The following CNTNAP4 variants were observed in gnomAD, a reference collection of about 807,000 sequenced individuals.
The protein encoded by CNTNAP4 is contactin associated protein family member 4, also known as contactin-associated protein-like 4.
CNTNAP4 carries 98 observed loss-of-function variants against 148.4 expected under a neutral mutation model. The observed-to-expected ratio is 0.66, with a 90% CI of 0.56 to 0.78. CNTNAP4 has a LOEUF of 0.78. Among genes scored for constraint, CNTNAP4 ranks in the 30% least tolerant of loss-of-function variants. The pLI is 0.00. For missense variants in CNTNAP4, 1,935 were observed against 1,565.6 expected (o/e 1.24, Z -3.98); for synonymous variants, 730 against 565.1 (o/e 1.29, Z -4.14).
chr16:76,288,272 C>T (rs1308850914), intron 1 of CNTNAP4, among the ~76,000 whole-genome samples: 2 of 152,110 alleles, frequency 1.3e-5, no homozygotes, highest in African/African-American at 4.8e-5. Flanking sequence ...TGAGGCCTCT[C>T]TAGCCATGCA....
intron 3 of CNTNAP4, among the ~76,000 whole-genome samples, chr16:76,400,928 T>G (rs2078390278): frequency 6.6e-6 from 1 of 152,204 alleles, no homozygotes; most frequent in Non-Finnish European, 1.5e-5. Flanking sequence ...CCATGGTGTT[T>G]TGGTTACTGT....
At chr16:76,286,984 T>C (rs1236476963) in intron 1 of CNTNAP4, among the ~76,000 whole-genome samples, 3 of 152,226 alleles carry the variant, frequency 2.0e-5, no homozygotes, top group Non-Finnish European at 4.4e-5. Context: ...ATAGTGTGTA[T>C]GATTTCTGTG....
chr16:76,521,010 A>G (rs1344434923), intron 15 of CNTNAP4, 130 bp from the exon 16 acceptor site: 8 of 786,596 alleles, frequency 1.0e-5, no homozygotes, highest in Non-Finnish European at 1.6e-5. Context: ...AGAAAAAAAG[A>G]GCAGATTTGT....
At chr16:76,393,607 C>T (rs1394112529) in intron 3 of CNTNAP4, among the ~76,000 whole-genome samples, 1 of 151,960 alleles carries the variant, frequency 6.6e-6, no homozygotes, top group South Asian at 2.1e-4. Context: ...AGTGCCCTAA[C>T]TGCCTGTGGG....
At chr16:76,367,052 A>T (rs1004576688) in intron 3 of CNTNAP4, among the ~76,000 whole-genome samples, 4 of 151,736 alleles carry the variant, frequency 2.6e-5, no homozygotes, top group African/African-American at 9.7e-5. Context: ...AAAATTTATT[A>T]ATATATATTA....
intron 17 of CNTNAP4, among the ~76,000 whole-genome samples, chr16:76,527,547 A>T (rs1388303537): frequency 6.6e-6 from 1 of 152,220 alleles, no homozygotes; most frequent in Non-Finnish European, 1.5e-5. Context: ...CAAATGAATG[A>T]GGTAAACGTG....
At chr16:76,370,621 C>T (rs868637218) in intron 3 of CNTNAP4, among the ~76,000 whole-genome samples, 1 of 152,158 alleles carries the variant, frequency 6.6e-6, no homozygotes, top group Non-Finnish European at 1.5e-5. Context: ...TGGGTCAGAG[C>T]AGGGAAAGGG....
At position 76,394,598 on chromosome 16, in the gene CNTNAP4, C is replaced by T. The variant is rs147684715; in HGVS notation, c.391-32854C>T. ...TCTCCTTTCCCCCAAAATTCTATAA[C>T]GTATTTAAGTGAGGTTTATAATGAA... On this transcript the variant is annotated intron_variant, in intron 3 of 23. Transcript: ENST00000611870. Among the ~76,000 whole-genome samples, 342 of 151,974 alleles carry T rather than the reference C, an allele frequency of 2.3e-3. 4 individuals are homozygous for T. The highest frequency in any genetic ancestry group is 7.8e-3 in the African/African-American group (325 of 41,412).
At chr16:76,383,897 TTCTC>T (rs950882277) in intron 3 of CNTNAP4, among the ~76,000 whole-genome samples, 3 of 152,192 alleles carry the variant, frequency 2.0e-5, no homozygotes, top group Non-Finnish European at 4.4e-5. Context: ...TTAAATTCTG[TTCTC>T]TCTACTTGGT....
At position 76,522,610 on chromosome 16, in the gene CNTNAP4, T is replaced by TTTCCTTCCTTCCTTCCTTCCTTCC. The variant is rs764499941; in HGVS notation, c.2755+357_2755+380dup. ...TCTCTCTCTCTCTTTCTTTTCTTTATTTCCTTCCTTCCTTCCTTCCTTCCT... is the reference window on the plus strand; with the variant it reads ...TCTCTCTCTCTCTTTCTTTTCTTTATTTCCTTCCTTCCTTCCTTCCTTCCTTCCTTCCTTCCTTCCTTCCTTCCT... On this transcript the variant is annotated intron_variant, in intron 17 of 23. Coordinates refer to ENST00000611870, the MANE Select transcript of CNTNAP4 (RefSeq NM_033401.5). 1.2e-4 allele frequency among the ~76,000 whole-genome samples: 7 copies of TTTCCTTCCTTCCTTCCTTCCTTCC among 59,652 alleles called. 1 individual carries two copies. Among genetic ancestry groups the TTTCCTTCCTTCCTTCCTTCCTTCC allele is most frequent in the African/African-American group, 4.6e-4 (7 of 15,266 alleles). 39.1% of individuals were successfully genotyped at this position (59,652 alleles called of 152,430 possible).
At chr16:76,504,173 AT>A (rs1487583393) in intron 15 of CNTNAP4, among the ~76,000 whole-genome samples, 4 of 152,134 alleles carry the variant, frequency 2.6e-5, no homozygotes, top group Admixed American at 2.0e-4. Flanking sequence ...AAAGTTTGAG[AT>A]ACACTACTAG....
intron 3 of CNTNAP4, among the ~76,000 whole-genome samples, chr16:76,373,909 AAAAAAG>A (rs1321330029): frequency 4.0e-5 from 6 of 151,630 alleles, no homozygotes; most frequent in South Asian, 2.1e-4. Flanking sequence ...AAAAAAAAAA[AAAAAAG>A]AAAAGGAAAG....
chr16:76,500,441 C>T (rs1453683823), intron 15 of CNTNAP4, among the ~76,000 whole-genome samples: 1 of 152,216 alleles, frequency 6.6e-6, no homozygotes, highest in Non-Finnish European at 1.5e-5. Flanking sequence ...TCCAGCATTC[C>T]TGAATTTCTA....
chr16:76,414,279 G>C (rs1348967049), intron 3 of CNTNAP4, among the ~76,000 whole-genome samples: 2 of 151,210 alleles, frequency 1.3e-5, no homozygotes, highest in African/African-American at 4.8e-5. Context: ...TGCTTTTTCT[G>C]TATTTGGTGA....
chr16:76,345,826 G>C (rs1440276517), intron 2 of CNTNAP4, among the ~76,000 whole-genome samples: 1 of 152,182 alleles, frequency 6.6e-6, no homozygotes, highest in Non-Finnish European at 1.5e-5. Context: ...AGTAAATGCT[G>C]TATGAAAAGG....
At chr16:76,299,578 T>A (rs911174382) in intron 1 of CNTNAP4, among the ~76,000 whole-genome samples, 4 of 152,090 alleles carry the variant, frequency 2.6e-5, no homozygotes, top group African/African-American at 9.7e-5. Context: ...ATTGTGGAAG[T>A]CAGTGTGGCG....
chr16:76,518,548 A>G (rs73628727), intron 15 of CNTNAP4, among the ~76,000 whole-genome samples: 95 of 152,274 alleles, frequency 6.2e-4, no homozygotes, highest in African/African-American at 1.9e-3. Context: ...TAGATACATA[A>G]TACTTATGCA....
chr16:76,282,698 C>G (rs529308809), intron 1 of CNTNAP4, among the ~76,000 whole-genome samples: 1 of 151,952 alleles, frequency 6.6e-6, no homozygotes, highest in South Asian at 2.1e-4. Flanking sequence ...TTACCCTTGT[C>G]AATAATAAAT....
chr16:76,537,269 T>G (rs74025037), intron 18 of CNTNAP4, among the ~76,000 whole-genome samples: 5,509 of 152,266 alleles, frequency 0.036, 314 homozygotes, highest in African/African-American at 0.12. Context: ...AATGAAACAA[T>G]TAAAAACTCT....
Sources: allele counts gnomAD v4.1 joint callset (sites outside exome capture counted in the v4.1 genomes callset), GRCh38; gene constraint gnomAD v4.1.1; transcripts MANE v1.5; gene names NCBI Gene and HGNC (gene_info 2026-07-23, HGNC 2026-07-21).